The following GRK7 variants were observed in gnomAD, a reference collection of about 807,000 sequenced individuals.
GRK7 encodes G protein-coupled receptor kinase 7.
GRK7 carries 24 observed loss-of-function variants against 34.1 expected under a neutral mutation model. The ratio of observed to expected loss-of-function variants is 0.70; its 90% CI spans 0.51 to 0.99. The LOEUF (loss-of-function observed/expected upper bound fraction) is 0.99, where lower values mean the gene tolerates loss of function less well. Among genes scored for constraint, GRK7 ranks in the 50% least tolerant of loss-of-function variants. The probability of loss-of-function intolerance (pLI) is 0.00; values close to 1 mark genes in which losing one functional copy is unlikely to be tolerated. For synonymous variants in GRK7, 256 were observed against 279.4 expected (o/e 0.92, Z 0.84); for missense variants, 644 against 707.3 (o/e 0.91, Z 1.02).
At chr3:141,777,350 A>C (rs1290089442) in intron 2 of GRK7, among the ~76,000 whole-genome samples, 1 of 14,114 alleles carries the variant, frequency 7.1e-5, no homozygotes, top group Non-Finnish European at 1.4e-4. Flanking sequence ...TTTGAGACGG[A>C]GTCTCGCTCT....
intron 1 of GRK7, among the ~76,000 whole-genome samples, chr3:141,768,307 T>C (rs976999206): frequency 4.6e-5 from 7 of 150,778 alleles, no homozygotes; most frequent in African/African-American, 1.7e-4. Context: ...TCTCGCTCTC[T>C]TCCCCAGGAG....
rs1394065307 is a variant in GRK7 at position 141,818,415 on chromosome 3, A to T, written c.*1365A>T. 2 of 152,960 alleles carry T rather than the reference A, an allele frequency of 1.3e-5. No homozygotes were observed. Among genetic ancestry groups the T allele is most frequent in the Non-Finnish European group, 2.9e-5 (2 of 68,618 alleles). The allele number at this position is 152,960 out of a possible 1,614,324, so 9.5% of individuals were successfully genotyped here. A position where few individuals can be genotyped will look rare whatever the true frequency, so the allele number is the denominator to read the frequency against. On this transcript the variant is annotated 3_prime_UTR_variant, in exon 6 of 6. Coordinates refer to ENST00000682958, the MANE Select transcript of GRK7 (RefSeq NM_139209.3). Reference sequence around the variant, plus strand: ...AGAATTGCTTGAACCCAGGAGGCGGAGGTTGTAGTGAGCCAAGATCGCAAC... The same window carrying T: ...AGAATTGCTTGAACCCAGGAGGCGGTGGTTGTAGTGAGCCAAGATCGCAAC...
chr3:141,780,561 T>A lies in GRK7; in HGVS notation c.800T>A (p.Val267Asp), dbSNP rs1312530254. 2 of 1,614,204 alleles carry A rather than the reference T, an allele frequency of 1.2e-6. No homozygotes were observed. Among genetic ancestry groups the A allele is most frequent in the East Asian group, 4.5e-5 (2 of 44,884 alleles). Residue 267 changes from valine to aspartate, a missense_variant, in exon 4 of 6, where the codon GTC becomes GAC. Val to Asp is a radical substitution (Grantham distance 152, BLOSUM62 -3). Coordinates refer to ENST00000682958, the MANE Select transcript of GRK7 (RefSeq NM_139209.3). ...GAGAGCAAGACCCATCTCTGCCTTG[T>A]CATGAGCCTGATGAATGGGGGAGAC... Reference protein sequence around the residue: ...AFESKTHLCLVMSLMNGGDLK... With the variant: ...AFESKTHLCLDMSLMNGGDLK...
rs984388319 is a variant in GRK7, at chr3:141,765,342, C to T, written c.-611C>T. Among the ~76,000 whole-genome samples the T allele has an allele frequency of 6.6e-6, 1 of 152,168 alleles. No homozygotes were observed. The highest frequency in any genetic ancestry group is 1.5e-5 in the Non-Finnish European group (1 of 68,024). On this transcript the variant is annotated 5_prime_UTR_variant, in exon 1 of 6. Transcript: ENST00000682958. ...TCATCATTTTCTCAATTCAGTCTTG[C>T]CTGACCACCCTATTTAAAAGTGAAG...
intron 4 of GRK7, among the ~76,000 whole-genome samples, chr3:141,793,674 A>AG (rs1401855319): frequency 6.6e-6 from 1 of 152,132 alleles, no homozygotes; most frequent in Admixed American, 6.5e-5. Context: ...AGCTGCCAGA[A>AG]GGGGGCGGAA....
rs1559841089 is a variant in GRK7, at chr3:141,780,384, T to C, written c.623T>C (p.Val208Ala). 1 of 1,613,994 alleles carries C rather than the reference T, an allele frequency of 6.2e-7. No individual in the cohort carries two copies. The highest frequency in any genetic ancestry group is 8.5e-7 in the Non-Finnish European group (1 of 1,179,910). ...GKGGFGEVCA[V>A]QVKNTGKMYA... ...TCTTTCTCCTTTAAGGTATGTGCCG[T>C]CCAGGTGAAAAACACTGGGAAGATG... is the stretch of plus-strand genomic sequence containing the variant. Residue 208 changes from valine to alanine, a missense_variant, in exon 4 of 6, where the codon GTC becomes GCC. Physicochemically the swap from Val to Ala is moderately conservative, Grantham distance 64. Coordinates refer to ENST00000682958, the MANE Select transcript of GRK7 (RefSeq NM_139209.3).
At position 141,817,296 on chromosome 3, in the gene GRK7, A is replaced by AT. The variant is rs1355465256; in HGVS notation, c.*247dup. 1 of 402,306 alleles carries AT rather than the reference A, an allele frequency of 2.5e-6. No individual in the cohort carries two copies. Among genetic ancestry groups the AT allele is most frequent in the Non-Finnish European group, 4.4e-6 (1 of 226,554 alleles). 24.9% of individuals were successfully genotyped at this position (402,306 alleles called of 1,614,324 possible). On this transcript the variant is annotated 3_prime_UTR_variant, in exon 6 of 6. Coordinates refer to ENST00000682958, the MANE Select transcript of GRK7 (RefSeq NM_139209.3). Reference sequence around the variant, plus strand: ...AAAAGGAACACTCAGGTTTATTTTGATAAACTGAAAGCATCAGCCTTTTAC... The same window carrying AT: ...AAAAGGAACACTCAGGTTTATTTTGATTAAACTGAAAGCATCAGCCTTTTAC...
Position 141,778,170 on chromosome 3 carries a change from A to G in GRK7, c.-113-2A>G. ...CACACCCTCCACGGGTCCCACCCAC[A>G]GGCCACAGGACTCACTGTAAATCCC... On this transcript the variant is annotated splice_acceptor_variant, in intron 2 of 5. Transcript: ENST00000682958. LOFTEE classifies it low-confidence loss of function (5UTR_SPLICE). This position sits in a 1 kb window ranked among gnomAD's most constrained non-coding sequence, Gnocchi z 4.1. 1.5e-6 allele frequency: 2 copies of G among 1,333,068 alleles called. No individual in the cohort carries two copies. The highest frequency in any genetic ancestry group is 4.7e-5 in the Admixed American group (2 of 42,772). The allele number at this position is 1,333,068 out of a possible 1,614,324, so 82.6% of individuals were successfully genotyped here. A position where few individuals can be genotyped will look rare whatever the true frequency, so the allele number is the denominator to read the frequency against.
At chr3:141,815,163 A>C (rs2107898120) in intron 5 of GRK7, among the ~76,000 whole-genome samples, 1 of 151,968 alleles carries the variant, frequency 6.6e-6, no homozygotes, top group Non-Finnish European at 1.5e-5. Flanking sequence ...GAGCTCAGGC[A>C]ATCTGCCTGC....
intron 2 of GRK7, among the ~76,000 whole-genome samples, chr3:141,776,420 G>C (rs1246717243): frequency 1.3e-5 from 2 of 152,218 alleles, no homozygotes; most frequent in Admixed American, 1.3e-4. Flanking sequence ...AAAGGCATTT[G>C]CTCCTCCGAA....
chr3:141,806,598 T>C (rs1017719658), intron 4 of GRK7, among the ~76,000 whole-genome samples: 2 of 151,936 alleles, frequency 1.3e-5, no homozygotes, highest in African/African-American at 4.8e-5. Context: ...CACACATATA[T>C]ATTTGAGTAA....
chr3:141,750,426 G>A, the GRK7 span, among the ~76,000 whole-genome samples: 3 of 152,218 alleles, frequency 2.0e-5, no homozygotes, highest in African/African-American at 4.8e-5. Flanking sequence ...TCATTTACTA[G>A]CTGTGTGATC....
intron 4 of GRK7, among the ~76,000 whole-genome samples, chr3:141,795,560 G>C (rs919863493): frequency 6.6e-6 from 1 of 152,192 alleles, no homozygotes; most frequent in African/African-American, 2.4e-5. Context: ...GGCCCTAGGG[G>C]CTGGAGGAGT....
chr3:141,802,073 G>A lies in GRK7; in HGVS notation c.1051-5572G>A, dbSNP rs183511190. 2.0e-5 allele frequency among the ~76,000 whole-genome samples: 3 copies of A among 152,184 alleles called. No homozygotes were observed. In the East Asian group the frequency reaches 5.8e-4, roughly 29 times the overall value. On this transcript the variant is annotated intron_variant, in intron 4 of 5. Transcript: ENST00000682958. ...AAATGCAAGGGAGAAAATGATCAAAGAAATACTATGAGAGGCTGGTTGTGG... is the reference window on the plus strand; with the variant it reads ...AAATGCAAGGGAGAAAATGATCAAAAAAATACTATGAGAGGCTGGTTGTGG...
the GRK7 span, among the ~76,000 whole-genome samples, chr3:141,757,136 T>TC: frequency 9.1e-3 from 1,159 of 127,748 alleles, 11 homozygotes; most frequent in East Asian, 0.044. Flanking sequence ...CTTCTTTTTT[T>TC]TTTTTTTTTT....
At chr3:141,750,258 T>C in the GRK7 span, among the ~76,000 whole-genome samples, 1 of 152,228 alleles carries the variant, frequency 6.6e-6, no homozygotes, top group Admixed American at 6.5e-5. Context: ...CTTCATCTTA[T>C]CTGTACACTT....
In GRK7 at chr3:141,807,844, A is replaced by T; in HGVS notation, c.1250A>T (p.Asp417Val). Residue 417 changes from aspartate to valine, a missense_variant, in exon 5 of 6, where the codon GAT (aspartate) becomes GTT (valine). Coordinates refer to ENST00000682958, the MANE Select transcript of GRK7 (RefSeq NM_139209.3). ...CAAGACGAGGTCAAATTCCAGCATG[A>T]TAACTTCACAGAGGAAGCAAAAGAT... ...TLQDEVKFQHDNFTEEAKDIC... is the reference protein window; with the variant it reads ...TLQDEVKFQHVNFTEEAKDIC... 1 of 1,613,856 alleles carries T rather than the reference A, an allele frequency of 6.2e-7. No individual in the cohort carries two copies. Among genetic ancestry groups the T allele is most frequent in the Non-Finnish European group, 8.5e-7 (1 of 1,179,748 alleles).
intron 2 of GRK7, among the ~76,000 whole-genome samples, chr3:141,777,042 T>C (rs970949046): frequency 1.3e-5 from 2 of 152,044 alleles, no homozygotes; most frequent in African/African-American, 4.8e-5. Flanking sequence ...CCTCGCTTGG[T>C]GGGGCGCATG....
intron 5 of GRK7, 100 bp downstream of exon 5, chr3:141,808,019 T>C: frequency 9.3e-7 from 1 of 1,077,254 alleles, no homozygotes. Context: ...AATTAAGTAT[T>C]ATGATTTTCT....
Sources: allele counts gnomAD v4.1 joint callset (sites outside exome capture counted in the v4.1 genomes callset), GRCh38; gene constraint gnomAD v4.1.1; non-coding constraint Gnocchi (gnomAD v3.1); transcripts MANE v1.5; gene names NCBI Gene and HGNC (gene_info 2026-07-23, HGNC 2026-07-21).